DNAH14: variants seen among roughly 807,000 people sequenced by gnomAD.
DNAH14 encodes the protein axonemal beta dynein heavy chain 14.
DNAH14 carries 478 observed loss-of-function variants against 520.9 expected under a neutral mutation model. The observed-to-expected ratio is 0.92, with a 90% CI of 0.85 to 0.99. The LOEUF is 0.99. Among genes scored for constraint, DNAH14 ranks in the 50% least tolerant of loss-of-function variants. DNAH14 has a pLI of 0.00. For synonymous variants in DNAH14, 1,581 were observed against 1,757.2 expected, an observed-to-expected ratio of 0.90 and a Z score of 2.51; for missense variants, 4,831 against 5,234.5, an observed-to-expected ratio of 0.92 and a Z score of 2.38.
intron 38 of DNAH14, among the ~76,000 whole-genome samples, chr1:225,195,204 C>T (rs2085966502): frequency 6.6e-6 from 1 of 152,076 alleles, no homozygotes; most frequent in Non-Finnish European, 1.5e-5. Context: ...AAGACACATG[C>T]ATACATATGT....
chr1:225,056,032 A>G (rs1324311657), intron 17 of DNAH14, among the ~76,000 whole-genome samples: 9 of 151,836 alleles, frequency 5.9e-5, no homozygotes, highest in Non-Finnish European at 1.5e-5. Context: ...ATGATTTATA[A>G]TCCTTTGGGT....
At chr1:225,277,948 C>G (rs2093529236) in intron 54 of DNAH14, among the ~76,000 whole-genome samples, 1 of 151,946 alleles carries the variant, frequency 6.6e-6, no homozygotes, top group African/African-American at 2.4e-5. Context: ...ACATATTTAG[C>G]CAATTACATA....
At chr1:225,357,629 T>C (rs1235135901) in intron 73 of DNAH14, 5 of 497,574 alleles carry the variant, frequency 1.0e-5, no homozygotes, top group East Asian at 3.0e-5. Context: ...TTAAGAATAA[T>C]TTTTCCAAAA....
rs534254155 is a variant in DNAH14, at chr1:225,221,252, G to A, written c.6440-9821G>A. Among the ~76,000 whole-genome samples the A allele has an allele frequency of 1.3e-3, 203 of 152,256 alleles. 1 individual carries two copies. Among genetic ancestry groups the A allele is most frequent in the African/African-American group, 4.7e-3 (196 of 41,548 alleles). The stretch of plus-strand genomic sequence containing the variant: ...CATTCAGGACATAGGCATGGGCAAA[G>A]ACTTCACAACTAAGACACCAAAAGC... On this transcript the variant is annotated intron_variant, in intron 41 of 85. Transcript: ENST00000682510.
chr1:225,269,586 A>G (rs992416633), intron 49 of DNAH14, among the ~76,000 whole-genome samples: 2 of 152,238 alleles, frequency 1.3e-5, no homozygotes, highest in Non-Finnish European at 2.9e-5. Flanking sequence ...CCCATCTGAC[A>G]AAGGGCTAAT....
In DNAH14 at chr1:225,085,742, G is replaced by A; in HGVS notation, c.3526G>A (p.Val1176Ile). The change falls in exon 21 of 86, where the codon GTC becomes ATC. Residue 1176 changes from valine (V) to isoleucine (I), a missense_variant. By Grantham distance (29) the Val-to-Ile change is conservative. Coordinates refer to ENST00000682510, the MANE Select transcript of DNAH14 (RefSeq NM_001367479.1). ...ATCAGCTCAGTTAGAAGAGTCTCAA[G>A]TCATACTTGCAACAATTAAAGGATC... ...DISAQLEESQ[V>I]ILATIKGSPH... is the part of the protein sequence containing the mutation. 3 of 1,551,274 alleles carry A rather than the reference G, an allele frequency of 1.9e-6. No individual in the cohort carries two copies. The South Asian group carries it at 3.6e-5, about 18-fold the overall frequency.
At chr1:225,015,412 G>T (rs114353195) in intron 10 of DNAH14, among the ~76,000 whole-genome samples, 1 of 152,064 alleles carries the variant, frequency 6.6e-6, no homozygotes, top group Admixed American at 6.6e-5. Flanking sequence ...GTGGTTTTCC[G>T]TAGTGATAAG....
intron 29 of DNAH14, among the ~76,000 whole-genome samples, chr1:225,144,834 A>ATGCTT (rs1253111616): frequency 1.3e-5 from 2 of 152,054 alleles, no homozygotes; most frequent in African/African-American, 4.8e-5. Context: ...AAGCCAACAT[A>ATGCTT]TGCTTTTTAT....
chr1:225,336,043 A>T (rs1204126525), intron 66 of DNAH14, among the ~76,000 whole-genome samples: 1 of 101,050 alleles, frequency 9.9e-6, no homozygotes, highest in Non-Finnish European at 1.9e-5. Flanking sequence ...ACACACATAT[A>T]TGCATATATA....
rs1262319057 is a variant in DNAH14 at position 225,104,790 on chromosome 1, G to A, written c.3867+3906G>A. Among the ~76,000 whole-genome samples, 11 of 151,832 alleles carry A rather than the reference G, an allele frequency of 7.2e-5. No individual in the cohort carries two copies. The East Asian group carries it at 2.1e-3, about 29-fold the overall frequency. On this transcript the variant is annotated intron_variant, in intron 23 of 85. Transcript: ENST00000682510. ...TTCTTCTCTCTTTTCTTCTCTATTAGTCTTGCTAGCGGTCTATCAATTTTG... is the reference window on the plus strand; with the variant it reads ...TTCTTCTCTCTTTTCTTCTCTATTAATCTTGCTAGCGGTCTATCAATTTTG...
intron 8 of DNAH14, among the ~76,000 whole-genome samples, chr1:224,991,084 C>CCTTTTT (rs1558617220): frequency 2.6e-5 from 2 of 77,900 alleles, no homozygotes; most frequent in Non-Finnish European, 2.8e-5. Flanking sequence ...TGATGTTGAG[C>CCTTTTT]TTTTTTTTTT....
chr1:225,369,761 A>G (rs899296165), intron 77 of DNAH14, among the ~76,000 whole-genome samples: 3 of 152,072 alleles, frequency 2.0e-5, no homozygotes, highest in Non-Finnish European at 4.4e-5. Context: ...ACAAAGAAAA[A>G]CCTTTAATGA....
chr1:225,195,637 CT>C (rs1157627464), intron 38 of DNAH14, among the ~76,000 whole-genome samples: 4 of 150,072 alleles, frequency 2.7e-5, no homozygotes, highest in Non-Finnish European at 5.9e-5. Flanking sequence ...ACATATACCC[CT>C]GAACCTAAAA....
At chr1:225,354,456 G>A (rs2095408319) in intron 73 of DNAH14, among the ~76,000 whole-genome samples, 2 of 152,120 alleles carry the variant, frequency 1.3e-5, no homozygotes, top group South Asian at 4.1e-4. Flanking sequence ...ATGCATGGGT[G>A]TCATTTATGA....
intron 50 of DNAH14, 80 bp from the exon 51 acceptor site, chr1:225,271,826 C>G: frequency 9.0e-7 from 1 of 1,112,380 alleles, no homozygotes; most frequent in Middle Eastern, 2.2e-4. Flanking sequence ...TACACAAGTC[C>G]GCTTTTTAGT....
intron 1 of DNAH14, among the ~76,000 whole-genome samples, chr1:224,938,965 G>T (rs1035235839): frequency 3.3e-5 from 5 of 152,096 alleles, no homozygotes; most frequent in African/African-American, 1.2e-4. Flanking sequence ...TCACTCATAT[G>T]TGGGAGCAAA....
intron 10 of DNAH14, among the ~76,000 whole-genome samples, chr1:225,010,028 A>G (rs1042057232): frequency 7.2e-5 from 11 of 152,280 alleles, no homozygotes; most frequent in African/African-American, 2.6e-4. Flanking sequence ...ATATACGATC[A>G]TGTCATCTGC....
At chr1:225,365,833 G>A (rs1440896018) in intron 76 of DNAH14, among the ~76,000 whole-genome samples, 1 of 152,118 alleles carries the variant, frequency 6.6e-6, no homozygotes, top group Non-Finnish European at 1.5e-5. Flanking sequence ...GACAGAAATA[G>A]CGCTTCAGGG....
intron 11 of DNAH14, chr1:225,024,319 C>A: frequency 1.1e-6 from 1 of 924,368 alleles, no homozygotes; most frequent in Non-Finnish European, 1.3e-6. Context: ...CAAGAAATAT[C>A]TGTTGAATAT....
Sources: allele counts gnomAD v4.1 joint callset (sites outside exome capture counted in the v4.1 genomes callset), GRCh38; gene constraint gnomAD v4.1.1; transcripts MANE v1.5; gene names NCBI Gene and HGNC (gene_info 2026-07-23, HGNC 2026-07-21).